YWHAQ: variants seen among roughly 807,000 people sequenced by gnomAD.
The protein encoded by YWHAQ is 14-3-3 protein theta.
YWHAQ carries 6 observed loss-of-function variants against 28.3 expected under a neutral mutation model. The ratio of observed to expected loss-of-function variants is 0.21; its 90% CI spans 0.12 to 0.42. YWHAQ has a LOEUF of 0.42. Ranked by LOEUF, YWHAQ falls within the 10% of genes least tolerant of loss-of-function variation. The pLI, the probability that YWHAQ is intolerant of heterozygous loss-of-function variation, is 1.00. For missense variants in YWHAQ, 201 were observed against 305.6 expected (o/e 0.66, Z 2.55); for synonymous variants, 143 against 119.1 (o/e 1.20, Z -1.31).
At chr2:9,586,055 C>T (rs1666338039) in intron 5 of YWHAQ, among the ~76,000 whole-genome samples, 2 of 152,062 alleles carry the variant, frequency 1.3e-5, no homozygotes, top group African/African-American at 4.8e-5. Flanking sequence ...TAAAGCAAAA[C>T]ATTTTCACAG....
chr2:9,625,993 G>A (rs964266798), intron 2 of YWHAQ, among the ~76,000 whole-genome samples: 7 of 128,856 alleles, frequency 5.4e-5, no homozygotes, highest in South Asian at 2.2e-4. Flanking sequence ...AATGAGCAGC[G>A]TAAGACATTT....
At chr2:9,618,152 A>G (rs1469705650) in intron 2 of YWHAQ, among the ~76,000 whole-genome samples, 1 of 152,184 alleles carries the variant, frequency 6.6e-6, no homozygotes, top group Non-Finnish European at 1.5e-5. Context: ...AATTTGTGGT[A>G]ATGAAAACGT....
chr2:9,601,283 G>A (rs1186617502), intron 2 of YWHAQ, among the ~76,000 whole-genome samples: 1 of 152,068 alleles, frequency 6.6e-6, no homozygotes, highest in Non-Finnish European at 1.5e-5. Flanking sequence ...CCAACATGGT[G>A]AAACCCCGTC....
In YWHAQ at chr2:9,584,672, TAA is replaced by T. The variant is rs772370875; in HGVS notation, c.*612_*613del. ...GGTTGGCAACTTAAACAGCAGCAAA[TAA>T]AGAGTGAATAAGGAAACTCCCTGTT... On this transcript the variant is annotated 3_prime_UTR_variant, in exon 6 of 6. Transcript: ENST00000238081. 1 of 152,448 alleles carries T rather than the reference TAA, an allele frequency of 6.6e-6. No homozygotes were observed. Among genetic ancestry groups the T allele is most frequent in the Non-Finnish European group, 1.5e-5 (1 of 68,014 alleles). The allele number at this position is 152,448 out of a possible 1,614,324, so 9.4% of individuals were successfully genotyped here.
chr2:9,630,164 C>T lies in YWHAQ; in HGVS notation c.289G>A (p.Val97Met). ...ESELRSICTT[V>M]LELLDKYLIA... Reference sequence around the variant, plus strand: ...TCCCCGCGCCGAGGACTCACCAGCACCGTGGTGCAGATGGATCTCAGCTCG... The same window carrying T: ...TCCCCGCGCCGAGGACTCACCAGCATCGTGGTGCAGATGGATCTCAGCTCG... Residue 97 changes from valine (V) to methionine (M), a missense_variant, in exon 2 of 6, where the codon GTG (valine) becomes ATG (methionine). Val to Met is a conservative substitution (Grantham distance 21). Around this residue, in one of 2 missense-constraint regions of YWHAQ, gnomAD observed 162 missense variants for 213.9 expected, o/e 0.76. Transcript: ENST00000238081. This position sits in a 1 kb window ranked among gnomAD's most constrained non-coding sequence, Gnocchi z 5.6. The T allele has an allele frequency of 6.2e-7, 1 of 1,613,118 alleles. No homozygotes were observed. The highest frequency in any genetic ancestry group is 2.2e-5 in the East Asian group (1 of 44,852).
intron 2 of YWHAQ, among the ~76,000 whole-genome samples, chr2:9,607,709 CTCT>C (rs1189360578): frequency 5.5e-5 from 7 of 127,042 alleles, no homozygotes; most frequent in African/African-American, 1.7e-4. Flanking sequence ...TAAATTCTTC[CTCT>C]TTTTTTTTTT....
chr2:9,585,603 T>A (rs1438796660), intron 5 of YWHAQ, among the ~76,000 whole-genome samples: 1 of 152,110 alleles, frequency 6.6e-6, no homozygotes, highest in East Asian at 1.9e-4. Flanking sequence ...TTTTATAGCT[T>A]CCTTTTTATT....
At chr2:9,622,951 C>T (rs73155562) in intron 2 of YWHAQ, among the ~76,000 whole-genome samples, 319 of 152,262 alleles carry the variant, frequency 2.1e-3, no homozygotes, top group South Asian at 9.1e-3. Flanking sequence ...AATTCAGATA[C>T]GTTTTCTGTT....
chr2:9,584,719 T>C lies in YWHAQ; in HGVS notation c.*567A>G, dbSNP rs1382122705. The stretch of plus-strand genomic sequence containing the variant: ...CCTGTTGCCACAGATACACAAGACC[T>C]CCGTATGTGATACAGGAGCCATTTC... On this transcript the variant is annotated 3_prime_UTR_variant, in exon 6 of 6. Transcript: ENST00000238081. The C allele has an allele frequency of 6.6e-6, 1 of 152,610 alleles. No individual in the cohort carries two copies. Among genetic ancestry groups the C allele is most frequent in the Non-Finnish European group, 1.5e-5 (1 of 68,134 alleles). 9.5% of individuals were successfully genotyped at this position (152,610 alleles called of 1,614,324 possible).
intron 2 of YWHAQ, among the ~76,000 whole-genome samples, chr2:9,625,665 A>G (rs777039417): frequency 3.9e-4 from 60 of 152,344 alleles, no homozygotes; most frequent in South Asian, 1.4e-3. Context: ...TGAAACAGAG[A>G]TACTATCAAC....
chr2:9,620,571 G>A (rs1667122962), intron 2 of YWHAQ: 1 of 152,124 alleles, frequency 6.6e-6, no homozygotes, highest in Non-Finnish European at 1.5e-5. Context: ...ATTGGGAGGG[G>A]CAAGTTAAGA....
chr2:9,620,647 C>A (rs1667124289), intron 2 of YWHAQ: 2 of 152,174 alleles, frequency 1.3e-5, no homozygotes, highest in Admixed American at 1.3e-4. Flanking sequence ...CATACCAGAT[C>A]TTTAGCTGGT....
At chr2:9,614,309 A>C (rs1191792190) in intron 2 of YWHAQ, among the ~76,000 whole-genome samples, 2 of 152,232 alleles carry the variant, frequency 1.3e-5, no homozygotes, top group East Asian at 1.9e-4. Flanking sequence ...TACAAAAAGA[A>C]TCAAGGCAAA....
chr2:9,612,340 C>A (rs762845531), intron 2 of YWHAQ, among the ~76,000 whole-genome samples: 4 of 152,186 alleles, frequency 2.6e-5, no homozygotes, highest in Non-Finnish European at 4.4e-5. Flanking sequence ...CCCCAATGGC[C>A]TGTTAAAGGA....
At chr2:9,608,111 T>C (rs771287998) in intron 2 of YWHAQ, among the ~76,000 whole-genome samples, 1 of 152,120 alleles carries the variant, frequency 6.6e-6, no homozygotes, top group Non-Finnish European at 1.5e-5. Context: ...CTCACAACCT[T>C]AAAATAGATT....
At chr2:9,604,856 A>G (rs1287019875) in intron 2 of YWHAQ, among the ~76,000 whole-genome samples, 1 of 152,230 alleles carries the variant, frequency 6.6e-6, no homozygotes, top group Non-Finnish European at 1.5e-5. Context: ...GCAAACTCTT[A>G]AGCAGATGAA....
At chr2:9,597,342 T>A (rs930624788) in intron 2 of YWHAQ, among the ~76,000 whole-genome samples, 2 of 152,210 alleles carry the variant, frequency 1.3e-5, no homozygotes, top group African/African-American at 4.8e-5. Context: ...GTGTTATTTT[T>A]AAATGTTACT....
At chr2:9,617,526 T>C (rs1300630251) in intron 2 of YWHAQ, among the ~76,000 whole-genome samples, 2 of 152,152 alleles carry the variant, frequency 1.3e-5, no homozygotes, top group Non-Finnish European at 2.9e-5. Flanking sequence ...TTGCAGACGA[T>C]GGTTGCTGGT....
At chr2:9,610,725 C>A (rs1666929902) in intron 2 of YWHAQ, among the ~76,000 whole-genome samples, 1 of 152,126 alleles carries the variant, frequency 6.6e-6, no homozygotes, top group African/African-American at 2.4e-5. Flanking sequence ...TCAGGCTGGT[C>A]TCGAACTCCC....
Sources: gnomAD v4.1 joint callset for allele counts (sites outside exome capture counted in the v4.1 genomes callset) on GRCh38, gnomAD v4.1.1 for gene constraint, gnomAD v4.1.1 regional missense constraint, Gnocchi (gnomAD v3.1) non-coding constraint, MANE v1.5 for transcripts, NCBI Gene and HGNC (gene_info 2026-07-23, HGNC 2026-07-21) for gene names.